Variants in LRRC71 observed in about 807,000 individuals in gnomAD.
LRRC71 encodes leucine-rich repeat-containing protein 71.
A neutral mutation model predicts 66.6 loss-of-function variants in LRRC71; 54 were observed. The ratio of observed to expected loss-of-function variants is 0.81; its 90% CI spans 0.65 to 1.02. LRRC71 has a LOEUF of 1.02. Among genes scored for constraint, LRRC71 ranks in the 50% least tolerant of loss-of-function variants. LRRC71 has a pLI of 0.00. For missense variants in LRRC71, 724 were observed against 718.0 expected, an observed-to-expected ratio of 1.01 and a Z score of -0.10; for synonymous variants, 323 against 303.9, an observed-to-expected ratio of 1.06 and a Z score of -0.65.
In LRRC71 at chr1:156,920,708, C is replaced by T. The variant is rs922672228; in HGVS notation, c.-96C>T. ...CGGTCCCTGGACGCGGAACAGAGAT[C>T]CCCTGATTCAGCCACCCCCAGACTG... On this transcript the variant is annotated 5_prime_UTR_variant, in exon 1 of 15. Transcript: ENST00000337428. The surrounding 1 kb of genome is among the most constrained non-coding windows in gnomAD (Gnocchi z 4.9). 6.8e-6 allele frequency: 9 copies of T among 1,315,310 alleles called. No homozygotes were observed. Among genetic ancestry groups the T allele is most frequent in the Non-Finnish European group, 6.9e-6 (7 of 1,019,646 alleles). The allele number at this position is 1,315,310 out of a possible 1,614,324, so 81.5% of individuals were successfully genotyped here.
downstream of LRRC71, chr1:156,935,082 T>C (rs1654828817): frequency 1.3e-5 from 2 of 152,222 alleles, no homozygotes; most frequent in South Asian, 4.2e-4. Flanking sequence ...CCTTGGATGG[T>C]CCTGGGTGAA....
chr1:156,930,032 T>TTTTCTTTCTCTTTC (rs1553189649), intron 11 of LRRC71, among the ~76,000 whole-genome samples: 2 of 120,016 alleles, frequency 1.7e-5, no homozygotes, highest in African/African-American at 7.7e-5. Context: ...TTTCTTTTCT[T>TTTTCTTTCTCTTTC]TTTCTTTCTT....
At chr1:156,936,819 C>A (rs775758890), downstream of LRRC71, 1 of 1,613,112 alleles carries the variant, frequency 6.2e-7, no homozygotes, top group Non-Finnish European at 8.5e-7. Context: ...CACTCACCAT[C>A]CTCAGGGCAG....
At chr1:156,927,074 A>T (rs985747376) in intron 5 of LRRC71, 128 bp from the exon 6 acceptor site, 1 of 754,304 alleles carries the variant, frequency 1.3e-6, no homozygotes, top group African/African-American at 1.8e-5. Flanking sequence ...TATATTTCCT[A>T]TATTGGGGGG....
chr1:156,936,183 C>G (rs975582171), downstream of LRRC71: 7 of 1,028,678 alleles, frequency 6.8e-6, no homozygotes, highest in Non-Finnish European at 1.1e-5. Context: ...TCCAGAAACC[C>G]CAGTTTCTCG....
downstream of LRRC71, chr1:156,936,084 A>G: frequency 6.2e-7 from 1 of 1,613,006 alleles, no homozygotes; most frequent in Non-Finnish European, 8.5e-7. Context: ...GAAGGTGAGG[A>G]ACTGGCCAGC....
intron 14 of LRRC71, 145 bp from the exon 15 acceptor site, chr1:156,932,708 G>C: frequency 1.3e-6 from 2 of 1,554,732 alleles, no homozygotes; most frequent in East Asian, 4.5e-5. Context: ...TCCTCTTGCT[G>C]GAAAATCAGC....
chr1:156,928,443 C>A (rs1653697079), intron 9 of LRRC71, among the ~76,000 whole-genome samples: 1 of 101,154 alleles, frequency 9.9e-6, no homozygotes, highest in Non-Finnish European at 1.9e-5. Context: ...TCTTCCTCTT[C>A]CTCCTCCTCT....
At chr1:156,926,110 C>A (rs1485866664) in intron 5 of LRRC71, among the ~76,000 whole-genome samples, 1 of 152,214 alleles carries the variant, frequency 6.6e-6, no homozygotes, top group Non-Finnish European at 1.5e-5. Context: ...TAGAAAAGGA[C>A]CTCCATTCTT....
At chr1:156,940,080 G>A in the LRRC71 span, 57 of 1,391,692 alleles carry the variant, frequency 4.1e-5, no homozygotes, top group African/African-American at 7.3e-5. Flanking sequence ...ATCTGTCTCC[G>A]CATCCATCTC....
Position 156,929,154 on chromosome 1 carries a change from G to A in LRRC71, c.997-126G>A, listed in dbSNP as rs1453632745. On this transcript the variant is annotated intron_variant, in intron 9 of 14. Transcript: ENST00000337428. Reference sequence around the variant, plus strand: ...TACAAATTATTTTAGCATTTAGGCAGGGAGGTGGGTGGGAGGGTGCTGTCA... The same window carrying A: ...TACAAATTATTTTAGCATTTAGGCAAGGAGGTGGGTGGGAGGGTGCTGTCA... 1.4e-5 allele frequency: 15 copies of A among 1,109,078 alleles called. No individual in the cohort carries two copies. In the East Asian group the frequency reaches 3.9e-4, roughly 29 times the overall value. 68.7% of individuals were successfully genotyped at this position (1,109,078 alleles called of 1,614,324 possible).
chr1:156,937,351 A>G (rs756983634), downstream of LRRC71: 1 of 1,612,718 alleles, frequency 6.2e-7, no homozygotes, highest in South Asian at 1.1e-5. Flanking sequence ...GGCGTCTTGG[A>G]TCATCGTTGC....
rs1418489276 is a variant in LRRC71, at chr1:156,924,943, G to A, written c.521G>A (p.Trp174Ter). 1.3e-6 allele frequency: 2 copies of A among 1,551,728 alleles called. No homozygotes were observed. The highest frequency in any genetic ancestry group is 1.7e-6 in the Non-Finnish European group (2 of 1,147,002). Residue 174 changes from tryptophan to a stop codon, truncating the protein, a stop_gained, in exon 5 of 15, where the codon TGG becomes TAG. Coordinates refer to ENST00000337428, the MANE Select transcript of LRRC71 (RefSeq NM_144702.3). LOFTEE classifies it high-confidence loss of function. ...GCACTTCCCGCCCACGACAGCTTGT[G>A]GAAGGTGGGGCTGACCGATAAGACC... ...PLTQLQAINL[W>*]KVGLTDKTLT...
At chr1:156,936,497 A>ATATGT (rs1553192805), downstream of LRRC71, among the ~76,000 whole-genome samples, 10 of 33,938 alleles carry the variant, frequency 2.9e-4, 1 homozygote, top group East Asian at 0.022. Context: ...AAAAAAAAAA[A>ATATGT]ATATATATAT....
intron 1 of LRRC71, 92 bp from the exon 2 acceptor site, chr1:156,923,857 G>A (rs1194724660): frequency 6.9e-6 from 9 of 1,303,672 alleles, no homozygotes; most frequent in East Asian, 5.7e-5. Context: ...AAAAATATCC[G>A]TCTGAGGAGG....
At chr1:156,929,552 G>A (rs982198259) in intron 10 of LRRC71, 84 bp from the exon 11 acceptor site, 8 of 1,538,088 alleles carry the variant, frequency 5.2e-6, no homozygotes, top group Non-Finnish European at 7.0e-6. Flanking sequence ...TAAGGCCCCG[G>A]GTCCTAACCT....
intron 5 of LRRC71, 108 bp downstream of exon 5, chr1:156,925,123 C>A (rs1385153814): frequency 1.0e-6 from 1 of 989,706 alleles, no homozygotes; most frequent in Admixed American, 2.1e-5. Flanking sequence ...TGTGGGCCTG[C>A]CTGGCATCCC....
At position 156,932,508 on chromosome 1, in the gene LRRC71, C is replaced by T. The variant is rs1397159723; in HGVS notation, c.1526C>T (p.Ser509Phe). 6.2e-7 allele frequency: 1 copy of T among 1,613,970 alleles called. No individual in the cohort carries two copies. Among genetic ancestry groups the T allele is most frequent in the South Asian group, 1.1e-5 (1 of 91,078 alleles). The change falls in exon 14 of 15, where the codon TCC (serine) becomes TTC (phenylalanine). Residue 509 changes from serine to phenylalanine, a missense_variant. Transcript: ENST00000337428. ...CAGTTCTCCAAGGCCAAGAGTGCATCCAAGGGTCCAGTGGGGCTGCTGTGG... is the reference window on the plus strand; with the variant it reads ...CAGTTCTCCAAGGCCAAGAGTGCATTCAAGGGTCCAGTGGGGCTGCTGTGG... ...QMQFSKAKSA[S>F]KGPVGLLWLS...
intron 12 of LRRC71, among the ~76,000 whole-genome samples, chr1:156,931,556 G>A (rs376996725): frequency 9.2e-4 from 140 of 152,206 alleles, no homozygotes; most frequent in African/African-American, 3.2e-3. Context: ...ACTGTTTCAC[G>A]CTTCCAGAGC....
Sources: allele counts gnomAD v4.1 joint callset (sites outside exome capture counted in the v4.1 genomes callset), GRCh38; gene constraint gnomAD v4.1.1; non-coding constraint Gnocchi (gnomAD v3.1); transcripts MANE v1.5; gene names NCBI Gene and HGNC (gene_info 2026-07-23, HGNC 2026-07-21).